RNF20: variants seen among roughly 807,000 people sequenced by gnomAD.
RNF20 encodes ring finger protein 20.
RNF20 carries 84 observed loss-of-function variants against 126.2 expected under a neutral mutation model. That is an observed-to-expected ratio of 0.67 (90% CI 0.56 to 0.80). RNF20 has a LOEUF of 0.80. Ranked by LOEUF, RNF20 falls within the 30% of genes least tolerant of loss-of-function variation. The probability of loss-of-function intolerance (pLI) is 0.00; values close to 1 mark genes in which losing one functional copy is unlikely to be tolerated. For missense variants in RNF20, 869 were observed against 1,188.2 expected, an observed-to-expected ratio of 0.73 and a Z score of 3.95; for synonymous variants, 400 against 414.3, an observed-to-expected ratio of 0.97 and a Z score of 0.42.
intron 14 of RNF20, 50 bp downstream of exon 14, chr9:101,554,155 G>A: frequency 1.9e-6 from 2 of 1,059,962 alleles, no homozygotes; most frequent in South Asian, 1.4e-5. Flanking sequence ...CTTCATTTGT[G>A]GGATTTTCCT....
At chr9:101,543,277 G>A (rs987251856) in intron 5 of RNF20, among the ~76,000 whole-genome samples, 5 of 152,124 alleles carry the variant, frequency 3.3e-5, no homozygotes, top group Non-Finnish European at 7.4e-5. Context: ...ACCTGCCACG[G>A]CAGTACTGTC....
intron 13 of RNF20, 57 bp from the exon 14 acceptor site, chr9:101,553,931 T>A: frequency 2.1e-6 from 2 of 961,934 alleles, no homozygotes; most frequent in Non-Finnish European, 3.3e-6. Flanking sequence ...TCCCTTGCTC[T>A]GATGACCTTT....
At chr9:101,541,170 A>C (rs1488934897) in intron 5 of RNF20, among the ~76,000 whole-genome samples, 195 bp downstream of exon 5, 1 of 152,172 alleles carries the variant, frequency 6.6e-6, no homozygotes, top group African/African-American at 2.4e-5. Context: ...CCTCGAACTC[A>C]AGCAATCTTT....
At chr9:101,546,724 G>T in intron 6 of RNF20, 96 bp from the exon 7 acceptor site, 1 of 1,253,514 alleles carries the variant, frequency 8.0e-7, no homozygotes, top group Non-Finnish European at 1.1e-6. Flanking sequence ...TCTTCTATTT[G>T]CCTCTTTTCT....
chr9:101,543,478 A>AACCTGCCAAGGCGGCACTGTCTG (rs1827292264), intron 5 of RNF20, among the ~76,000 whole-genome samples: 1 of 148,432 alleles, frequency 6.7e-6, no homozygotes, highest in Admixed American at 6.7e-5. Flanking sequence ...AGCACTGTCT[A>AACCTGCCAAGGCGGCACTGTCTG]ACCCTGCCAG....
At chr9:101,543,891 G>A (rs768202257) in intron 5 of RNF20, among the ~76,000 whole-genome samples, 4 of 152,204 alleles carry the variant, frequency 2.6e-5, no homozygotes, top group Admixed American at 6.5e-5. Flanking sequence ...ATAGGTCCTA[G>A]GGAAATGTCT....
intron 9 of RNF20, among the ~76,000 whole-genome samples, chr9:101,549,579 A>G (rs569708835): frequency 6.6e-6 from 1 of 152,084 alleles, no homozygotes; most frequent in South Asian, 2.1e-4. Flanking sequence ...TCCTCCCGGG[A>G]AAGGGAGACT....
rs1262772318 is a variant in RNF20, at chr9:101,535,404, G to A, written c.-20G>A. The A allele has an allele frequency of 3.1e-6, 5 of 1,607,368 alleles. No individual in the cohort carries two copies. Among genetic ancestry groups the A allele is most frequent in the East Asian group, 2.2e-5 (1 of 44,796 alleles). On this transcript the variant is annotated 5_prime_UTR_variant, in exon 2 of 20. Coordinates refer to ENST00000389120, the MANE Select transcript of RNF20 (RefSeq NM_019592.7). ...CTGCCTTTTTTTCTATCAGGAAAAC[G>A]ACTGTCTTCTTCTGCCAAAATGTCA...
intron 14 of RNF20, 129 bp from the exon 15 acceptor site, chr9:101,554,565 T>C: frequency 1.5e-6 from 1 of 673,830 alleles, no homozygotes; most frequent in Admixed American, 3.1e-5. Flanking sequence ...TAGTATATTA[T>C]GTACCTTGTT....
At chr9:101,547,734 C>A (rs1434666421) in intron 9 of RNF20, among the ~76,000 whole-genome samples, 1 of 152,162 alleles carries the variant, frequency 6.6e-6, no homozygotes, top group Non-Finnish European at 1.5e-5. Context: ...CAACATTATA[C>A]CCAATGGCGA....
At chr9:101,543,839 T>G (rs1364386266) in intron 5 of RNF20, among the ~76,000 whole-genome samples, 1 of 152,226 alleles carries the variant, frequency 6.6e-6, no homozygotes, top group Non-Finnish European at 1.5e-5. Flanking sequence ...ATATTCTTAT[T>G]TTTGGCTTTG....
intron 11 of RNF20, 141 bp downstream of exon 11, chr9:101,551,960 C>T (rs1398826357): frequency 2.3e-6 from 3 of 1,288,198 alleles, no homozygotes; most frequent in African/African-American, 1.5e-5. Context: ...TTTTGGTTCA[C>T]AGCCTGGATG....
Position 101,552,280 on chromosome 9 carries a change from AATAAAT to A in RNF20, c.1530+21_1530+26del. On this transcript the variant is annotated intron_variant, in intron 12 of 19. Coordinates refer to ENST00000389120, the MANE Select transcript of RNF20 (RefSeq NM_019592.7). ...TGAACAAGGTAACCAGAGGGAATAGAATAAATATCATTTGCTATTAATGTCGTAAAG... is the reference window on the plus strand; with the variant it reads ...TGAACAAGGTAACCAGAGGGAATAGAATCATTTGCTATTAATGTCGTAAAG... 6.2e-7 allele frequency: 1 copy of A among 1,614,190 alleles called. No homozygotes were observed. The highest frequency in any genetic ancestry group is 1.3e-5 in the African/African-American group (1 of 75,058).
intron 15 of RNF20, among the ~76,000 whole-genome samples, chr9:101,555,227 A>G (rs1257721441): frequency 1.3e-5 from 2 of 151,898 alleles, no homozygotes; most frequent in Non-Finnish European, 2.9e-5. Flanking sequence ...TGAAACTAAG[A>G]AAACTATGCT....
intron 9 of RNF20, among the ~76,000 whole-genome samples, chr9:101,548,007 G>A (rs1306538032): frequency 1.3e-5 from 2 of 152,118 alleles, no homozygotes; most frequent in African/African-American, 4.8e-5. Flanking sequence ...ACAATTGTGT[G>A]TCTATATACC....
intron 5 of RNF20, among the ~76,000 whole-genome samples, chr9:101,541,322 C>T (rs1827257238): frequency 6.6e-6 from 1 of 152,202 alleles, no homozygotes; most frequent in African/African-American, 2.4e-5. Context: ...TCTCTTCTGG[C>T]CTCCCAAAGT....
In RNF20 at chr9:101,533,907, G is replaced by C. The variant is rs1045216546; in HGVS notation, c.-34G>C. On this transcript the variant is annotated 5_prime_UTR_variant, in exon 1 of 20. Transcript: ENST00000389120. ...GGGGTGAGAGCTGGAATCTCTGCACGGGCCTTGGTGAGTAACTGCTGCGAG... is the reference window on the plus strand; with the variant it reads ...GGGGTGAGAGCTGGAATCTCTGCACCGGCCTTGGTGAGTAACTGCTGCGAG... 9 of 152,256 alleles carry C rather than the reference G, an allele frequency of 5.9e-5. No homozygotes were observed. The highest frequency in any genetic ancestry group is 3.9e-4 in the East Asian group (2 of 5,192). The allele number at this position is 152,256 out of a possible 1,614,324, so 9.4% of individuals were successfully genotyped here.
chr9:101,553,868 G>A (rs1827487622), intron 13 of RNF20, 120 bp from the exon 14 acceptor site: 1 of 568,992 alleles, frequency 1.8e-6, no homozygotes, highest in South Asian at 2.6e-5. Flanking sequence ...TCTTTTAGGT[G>A]TGATATGAAA....
intron 5 of RNF20, among the ~76,000 whole-genome samples, chr9:101,544,519 G>A (rs753170012): frequency 2.6e-5 from 4 of 151,978 alleles, no homozygotes; most frequent in East Asian, 3.9e-4. Context: ...CAGCCTGTCC[G>A]ACATGGTGAA....
Sources: allele counts gnomAD v4.1 joint callset (sites outside exome capture counted in the v4.1 genomes callset), GRCh38; gene constraint gnomAD v4.1.1; transcripts MANE v1.5; gene names NCBI Gene and HGNC (gene_info 2026-07-23, HGNC 2026-07-21).